Variants in GLIS1 observed in about 807,000 individuals in gnomAD.
GLIS1 encodes the protein zinc finger protein GLIS1.
A neutral mutation model predicts 63.8 loss-of-function variants in GLIS1; 24 were observed. The observed-to-expected ratio is 0.38, with a 90% CI of 0.27 to 0.53. The LOEUF (loss-of-function observed/expected upper bound fraction) is 0.53. GLIS1 is among the 20% of genes least tolerant of loss of function. GLIS1 has a pLI of 0.85. For synonymous variants in GLIS1, 450 were observed against 482.5 expected (o/e 0.93, Z 0.88); for missense variants, 1,036 against 1,074.1 (o/e 0.96, Z 0.50).
intron 2 of GLIS1, among the ~76,000 whole-genome samples, chr1:53,621,197 A>G (rs1645538977): frequency 6.6e-6 from 1 of 152,216 alleles, no homozygotes; most frequent in Non-Finnish European, 1.5e-5. Context: ...ATAATGCCCC[A>G]TGGGACACTT....
At chr1:53,530,675 C>G (rs1269577736) in intron 4 of GLIS1, among the ~76,000 whole-genome samples, 4 of 152,204 alleles carry the variant, frequency 2.6e-5, no homozygotes, top group Admixed American at 6.5e-5. Flanking sequence ...CAATTTCCAG[C>G]CTTTGTTCAT....
intron 2 of GLIS1, among the ~76,000 whole-genome samples, chr1:53,631,784 T>C (rs1645654664): frequency 6.6e-6 from 1 of 151,794 alleles, no homozygotes; most frequent in African/African-American, 2.4e-5. Context: ...TTGAGTCATA[T>C]GAGTGTCTGG....
intron 2 of GLIS1, among the ~76,000 whole-genome samples, chr1:53,640,527 A>G (rs1645775641): frequency 6.6e-6 from 1 of 152,044 alleles, no homozygotes; most frequent in African/African-American, 2.4e-5. Context: ...TCTCCTGTGG[A>G]GCCTGGATCT....
At chr1:53,590,180 CACA>C (rs1027569083) in intron 4 of GLIS1, among the ~76,000 whole-genome samples, 2 of 152,206 alleles carry the variant, frequency 1.3e-5, no homozygotes, top group African/African-American at 2.4e-5. Context: ...TATCCCTAAT[CACA>C]ACAACCCTAA....
chr1:53,530,479 C>T (rs1644518601), intron 4 of GLIS1, among the ~76,000 whole-genome samples: 2 of 152,308 alleles, frequency 1.3e-5, no homozygotes, highest in African/African-American at 4.8e-5. Context: ...GGGGGTAGGA[C>T]ATTGAATGTC....
At chr1:53,671,989 A>C (rs1291326657) in intron 2 of GLIS1, among the ~76,000 whole-genome samples, 2 of 152,142 alleles carry the variant, frequency 1.3e-5, no homozygotes, top group Non-Finnish European at 2.9e-5. Flanking sequence ...GGATGAGGAA[A>C]TTCTCAGCTT....
intron 1 of GLIS1, 124 bp from the exon 2 acceptor site, chr1:53,738,230 C>T (rs1002672240): frequency 8.2e-6 from 4 of 488,764 alleles, no homozygotes; most frequent in African/African-American, 4.0e-5. Context: ...TAGGTTAGCA[C>T]CACGACACCT....
rs763009701 is a variant in GLIS1 at position 53,509,228 on chromosome 1, T to C, written c.2122A>G (p.Met708Val). Residue 708 changes from methionine (M) to valine (V), a missense_variant, in exon 10 of 11, where the codon ATG (methionine) becomes GTG (valine). Physicochemically the swap from Met to Val is conservative, Grantham distance 21. This residue lies in a region of GLIS1 where 400 missense variants were observed against 400.9 expected (regional missense o/e 1.00). Transcript: ENST00000628545. ...SCFPYGDCYR[M>V]AEPAAGGDGL... ...TCCCCACCGGCTGCTGGTTCAGCCATCCGGTAGCAGTCGCCATAGGGGAAG... is the reference window on the plus strand; with the variant it reads ...TCCCCACCGGCTGCTGGTTCAGCCACCCGGTAGCAGTCGCCATAGGGGAAG... The C allele has an allele frequency of 2.5e-6, 4 of 1,596,292 alleles. No homozygotes were observed. Among genetic ancestry groups the C allele is most frequent in the African/African-American group, 1.3e-5 (1 of 74,748 alleles).
intron 2 of GLIS1, among the ~76,000 whole-genome samples, chr1:53,689,783 G>A (rs1160984224): frequency 6.6e-6 from 1 of 152,176 alleles, no homozygotes; most frequent in Non-Finnish European, 1.5e-5. Context: ...AGGCCCCTCT[G>A]AGAGGCATCT....
At chr1:53,542,357 A>G (rs1644652164) in intron 4 of GLIS1, among the ~76,000 whole-genome samples, 1 of 152,268 alleles carries the variant, frequency 6.6e-6, no homozygotes, top group Non-Finnish European at 1.5e-5. Flanking sequence ...AACTCTGGAC[A>G]CGGATGAGTC....
intron 2 of GLIS1, among the ~76,000 whole-genome samples, chr1:53,718,922 G>A (rs1221291533): frequency 1.3e-5 from 2 of 152,180 alleles, no homozygotes; most frequent in Non-Finnish European, 2.9e-5. Flanking sequence ...TCAGACCCCT[G>A]ACTCTGTCCA....
chr1:53,526,449 C>T lies in GLIS1; in HGVS notation c.1483-1562G>A, dbSNP rs1371263790. 2.6e-5 allele frequency among the ~76,000 whole-genome samples: 4 copies of T among 152,212 alleles called. No individual in the cohort carries two copies. The highest frequency in any genetic ancestry group is 6.5e-5 in the Admixed American group (1 of 15,302). ...GCCGGGGTTGGCCTGGGAGGGAGAG[C>T]GGAGGCCTGCCGCGGATGGCCCCTG... On this transcript the variant is annotated intron_variant, in intron 5 of 10. Transcript: ENST00000628545. The surrounding 1 kb of genome is among the most constrained non-coding windows in gnomAD (Gnocchi z 4.4).
chr1:53,518,471 A>G (rs1644374578), intron 7 of GLIS1, among the ~76,000 whole-genome samples: 1 of 152,232 alleles, frequency 6.6e-6, no homozygotes, highest in Non-Finnish European at 1.5e-5. Flanking sequence ...GTGGACGAGT[A>G]CATAGTCATT....
At chr1:53,737,235 G>T (rs960910512) in intron 2 of GLIS1, among the ~76,000 whole-genome samples, 3 of 152,216 alleles carry the variant, frequency 2.0e-5, no homozygotes, top group African/African-American at 7.2e-5. Flanking sequence ...CCAAGACTAG[G>T]CTGCCGAAGC....
intron 7 of GLIS1, among the ~76,000 whole-genome samples, chr1:53,519,274 G>A (rs1255398302): frequency 2.6e-5 from 4 of 152,254 alleles, no homozygotes; most frequent in South Asian, 2.1e-4. Flanking sequence ...GCATCCATCC[G>A]CCTGTGTCCT....
At chr1:53,619,440 G>A (rs538139310) in intron 2 of GLIS1, among the ~76,000 whole-genome samples, 5 of 152,326 alleles carry the variant, frequency 3.3e-5, no homozygotes, top group Admixed American at 2.6e-4. Flanking sequence ...CCTTACCATG[G>A]GATGTGAGTG....
chr1:53,662,926 C>G (rs1646044986), intron 2 of GLIS1, among the ~76,000 whole-genome samples: 1 of 152,220 alleles, frequency 6.6e-6, no homozygotes, highest in South Asian at 2.1e-4. Context: ...GATGGGGAAG[C>G]TGATGCACAG....
At chr1:53,567,982 G>GC (rs35123242) in intron 4 of GLIS1, among the ~76,000 whole-genome samples, 13 of 152,352 alleles carry the variant, frequency 8.5e-5, no homozygotes, top group African/African-American at 2.9e-4. Flanking sequence ...CCCACACAGA[G>GC]CCCCCCTTGG....
chr1:53,587,280 A>C (rs1176639693), intron 4 of GLIS1, among the ~76,000 whole-genome samples: 1 of 152,140 alleles, frequency 6.6e-6, no homozygotes, highest in African/African-American at 2.4e-5. Context: ...CAGCTTCCCC[A>C]CCTAATAATG....
Sources: allele counts gnomAD v4.1 joint callset (sites outside exome capture counted in the v4.1 genomes callset), GRCh38; gene constraint gnomAD v4.1.1; regional missense constraint gnomAD v4.1.1; non-coding constraint Gnocchi (gnomAD v3.1); transcripts MANE v1.5; gene names NCBI Gene and HGNC (gene_info 2026-07-23, HGNC 2026-07-21).